Variants in TET1 observed in about 807,000 individuals in gnomAD.
The protein encoded by TET1 is tet methylcytosine dioxygenase 1, also known as methylcytosine dioxygenase TET1.
A neutral mutation model predicts 148.7 loss-of-function variants in TET1; 13 were observed. The observed-to-expected ratio is 0.09, with a 90% CI of 0.06 to 0.14. TET1 has a LOEUF of 0.14. TET1 is among the 10% of genes least tolerant of loss of function. The probability of loss-of-function intolerance (pLI) is 1.00; values close to 1 mark genes in which losing one functional copy is unlikely to be tolerated. For synonymous variants in TET1, 907 were observed against 937.2 expected, an observed-to-expected ratio of 0.97 and a Z score of 0.59; for missense variants, 2,182 against 2,553.8, an observed-to-expected ratio of 0.85 and a Z score of 3.14.
chr10:68,662,256 G>A (rs186826431), intron 6 of TET1, among the ~76,000 whole-genome samples: 19 of 151,850 alleles, frequency 1.3e-4, no homozygotes, highest in Non-Finnish European at 1.6e-4. Flanking sequence ...TGATCCACCC[G>A]CCTTGACCTC....
intron 3 of TET1, among the ~76,000 whole-genome samples, chr10:68,618,883 C>G (rs1292274046): frequency 6.6e-6 from 1 of 152,138 alleles, no homozygotes; most frequent in Non-Finnish European, 1.5e-5. Context: ...GGGAGGATCA[C>G]CTGAGCCCAG....
rs547546402 is a variant in TET1 at position 68,646,656 on chromosome 10, T to G, written c.3927T>G (p.Cys1309Trp). Residue 1309 changes from cysteine to tryptophan, a missense_variant, in exon 4 of 12, where the codon TGT becomes TGG. Coordinates refer to ENST00000373644, the MANE Select transcript of TET1 (RefSeq NM_030625.3). ...AGCCCTCCTCTCCACCTAACCAGTG[T>G]GCTAACGTGATGGCAGGCGATGACC... is the stretch of plus-strand genomic sequence containing the variant. ...LTQPSSPPNQ[C>W]ANVMAGDDQI... 6.2e-7 allele frequency: 1 copy of G among 1,614,168 alleles called. No homozygotes were observed. Among genetic ancestry groups the G allele is most frequent in the South Asian group, 1.1e-5 (1 of 91,078 alleles).
At chr10:68,670,900 G>A (rs1190144342) in intron 7 of TET1, among the ~76,000 whole-genome samples, 1 of 151,524 alleles carries the variant, frequency 6.6e-6, no homozygotes, top group Non-Finnish European at 1.5e-5. Flanking sequence ...AAAATAATTG[G>A]TTTCTTTATT....
At chr10:68,579,072 C>T (rs542823071) in intron 2 of TET1, among the ~76,000 whole-genome samples, 5 of 152,104 alleles carry the variant, frequency 3.3e-5, no homozygotes, top group African/African-American at 1.2e-4. Flanking sequence ...AATCAAGTCA[C>T]GTCACACATG....
intron 3 of TET1, among the ~76,000 whole-genome samples, chr10:68,642,290 C>T (rs1370854276): frequency 6.6e-6 from 1 of 152,006 alleles, no homozygotes; most frequent in Non-Finnish European, 1.5e-5. Flanking sequence ...ATAAATTAAC[C>T]AGTTGTGGTT....
At chr10:68,617,086 G>GC (rs2054303347) in intron 3 of TET1, among the ~76,000 whole-genome samples, 3 of 124,972 alleles carry the variant, frequency 2.4e-5, no homozygotes, top group Non-Finnish European at 4.8e-5. Context: ...GAGTGCAGTG[G>GC]CGCGATCTCA....
chr10:68,639,698 G>C (rs945915270), intron 3 of TET1, among the ~76,000 whole-genome samples: 2 of 151,976 alleles, frequency 1.3e-5, no homozygotes, highest in Non-Finnish European at 2.9e-5. Context: ...AAGCATGCTG[G>C]AGTCAAGTCT....
At chr10:68,613,179 A>G (rs1564968250) in intron 3 of TET1, among the ~76,000 whole-genome samples, 2 of 152,228 alleles carry the variant, frequency 1.3e-5, no homozygotes, top group African/African-American at 4.8e-5. Flanking sequence ...ATTAATTGCT[A>G]TGGCAAATCA....
At chr10:68,589,637 A>G (rs149146509) in intron 2 of TET1, among the ~76,000 whole-genome samples, 217 of 148,608 alleles carry the variant, frequency 1.5e-3, no homozygotes, top group African/African-American at 5.1e-3. Context: ...GTGCCCCAAA[A>G]TACTGTGCTC....
intron 3 of TET1, among the ~76,000 whole-genome samples, chr10:68,636,589 C>T (rs1479269425): frequency 6.6e-6 from 1 of 152,152 alleles, no homozygotes; most frequent in East Asian, 1.9e-4. Context: ...TCAGGGGATC[C>T]CTTGAGCCTG....
At chr10:68,589,763 T>C (rs2053898930) in intron 2 of TET1, among the ~76,000 whole-genome samples, 1 of 150,248 alleles carries the variant, frequency 6.7e-6, no homozygotes, top group Admixed American at 6.7e-5. Context: ...CCTCTGCCTC[T>C]TGGGTTCAAG....
rs1200191155 is a variant in TET1 at position 68,691,826 on chromosome 10, C to T, written c.*12C>T. The T allele has an allele frequency of 1.3e-6, 2 of 1,598,656 alleles. No homozygotes were observed. The highest frequency in any genetic ancestry group is 4.5e-5 in the East Asian group (2 of 44,742). On this transcript the variant is annotated 3_prime_UTR_variant, in exon 12 of 12. Transcript: ENST00000373644. This position sits in a 1 kb window ranked among gnomAD's most constrained non-coding sequence, Gnocchi z 4.4. Reference sequence around the variant, plus strand: ...ACCATTGGGTCTGAAGGCTTTTCTCCCCCTCTTAATGCCTTTGCTAGTGCA... The same window carrying T: ...ACCATTGGGTCTGAAGGCTTTTCTCTCCCTCTTAATGCCTTTGCTAGTGCA...
At position 68,572,859 on chromosome 10, in the gene TET1, G is replaced by A; in HGVS notation, c.521G>A (p.Gly174Asp). 1 of 1,614,098 alleles carries A rather than the reference G, an allele frequency of 6.2e-7. No individual in the cohort carries two copies. Among genetic ancestry groups the A allele is most frequent in the Non-Finnish European group, 8.5e-7 (1 of 1,180,038 alleles). ...QVLPDIETLI[G>D]VQNPSLLKGK... ...CTTCCTGATATAGAGACTCTAATTG[G>A]TGTACAAAATCCCTCTTTACTTAAA... The change falls in exon 2 of 12, where the codon GGT becomes GAT. Residue 174 changes from glycine to aspartate, a missense_variant. Gly to Asp is a moderately conservative substitution (Grantham distance 94). Around this residue, in one of 11 missense-constraint regions of TET1, gnomAD observed 665 missense variants for 672.4 expected, o/e 0.99. Transcript: ENST00000373644.
chr10:68,569,019 C>T (rs2053636859), intron 1 of TET1, among the ~76,000 whole-genome samples: 1 of 151,986 alleles, frequency 6.6e-6, no homozygotes, highest in African/African-American at 2.4e-5. Flanking sequence ...ATGTATTGGA[C>T]CTGTGAGTCT....
chr10:68,587,361 T>C (rs1404628699), intron 2 of TET1, among the ~76,000 whole-genome samples: 4 of 152,120 alleles, frequency 2.6e-5, no homozygotes, highest in African/African-American at 7.2e-5. Flanking sequence ...ATAGGTTAGA[T>C]TTAGAGAAAA....
chr10:68,685,369 A>G (rs2055495349), intron 10 of TET1, among the ~76,000 whole-genome samples: 1 of 152,192 alleles, frequency 6.6e-6, no homozygotes, highest in South Asian at 2.1e-4. Flanking sequence ...AGTCTTCGCT[A>G]TCACTGAAAG....
At chr10:68,591,085 C>T (rs779623878) in intron 2 of TET1, among the ~76,000 whole-genome samples, 1 of 152,012 alleles carries the variant, frequency 6.6e-6, no homozygotes, top group African/African-American at 2.4e-5. Flanking sequence ...GAACTCCCGA[C>T]CTCAGGTGAT....
chr10:68,617,879 T>C (rs1480850638), intron 3 of TET1, among the ~76,000 whole-genome samples: 1 of 152,104 alleles, frequency 6.6e-6, no homozygotes, highest in Non-Finnish European at 1.5e-5. Flanking sequence ...ACATTTTATC[T>C]TGTACCATGT....
Position 68,691,836 on chromosome 10 carries a change from T to G in TET1, c.*22T>G, listed in dbSNP as rs752823970. 12 of 1,586,332 alleles carry G rather than the reference T, an allele frequency of 7.6e-6. No individual in the cohort carries two copies. Among genetic ancestry groups the G allele is most frequent in the Middle Eastern group, 3.4e-4 (2 of 5,904 alleles). On this transcript the variant is annotated 3_prime_UTR_variant, in exon 12 of 12. Coordinates refer to ENST00000373644, the MANE Select transcript of TET1 (RefSeq NM_030625.3). This position sits in a 1 kb window ranked among gnomAD's most constrained non-coding sequence, Gnocchi z 4.4. ...CTGAAGGCTTTTCTCCCCCTCTTAA[T>G]GCCTTTGCTAGTGCAGTGTATTTTT...
Sources: gnomAD v4.1 joint callset for allele counts (sites outside exome capture counted in the v4.1 genomes callset) on GRCh38, gnomAD v4.1.1 for gene constraint, gnomAD v4.1.1 regional missense constraint, Gnocchi (gnomAD v3.1) non-coding constraint, MANE v1.5 for transcripts, NCBI Gene and HGNC (gene_info 2026-07-23, HGNC 2026-07-21) for gene names.